Variants in EVX2 observed in about 807,000 individuals in gnomAD.
The protein encoded by EVX2 is even-skipped homeobox 2, also known as homeobox even-skipped homolog protein 2.
A neutral mutation model predicts 19.2 loss-of-function variants in EVX2; 10 were observed. The ratio of observed to expected loss-of-function variants is 0.52; its 90% confidence interval spans 0.32 to 0.89. EVX2 has a LOEUF of 0.89. EVX2 is among the 40% of genes least tolerant of loss of function. The pLI is 0.03. For synonymous variants in EVX2, 354 were observed against 328.4 expected (o/e 1.08, Z -0.84); for missense variants, 710 against 694.9 (o/e 1.02, Z -0.24).
In EVX2 at chr2:176,078,275, G is replaced by C. The variant is rs1247216255; in HGVS notation, c.*1832C>G. 1 of 151,996 alleles carries C rather than the reference G, an allele frequency of 6.6e-6. No individual in the cohort carries two copies. Among genetic ancestry groups the C allele is most frequent in the Non-Finnish European group, 1.5e-5 (1 of 68,012 alleles). The allele number at this position is 151,996 out of a possible 1,614,324, so 9.4% of individuals were successfully genotyped here. On this transcript the variant is annotated 3_prime_UTR_variant, in exon 3 of 3. Transcript: ENST00000308618. ...CTCTTACATATGTATTTAAGAGCAC[G>C]GATATATATATGCATATACATACAT...
Position 176,080,058 on chromosome 2 carries a change from C to G in EVX2, c.*49G>C, listed in dbSNP as rs770176481. ...GCTCAGGGGGCGCACAGGGGACTCCCGGGCACACTCAGAGAGGCGGGCGCG... is the reference window on the plus strand; with the variant it reads ...GCTCAGGGGGCGCACAGGGGACTCCGGGGCACACTCAGAGAGGCGGGCGCG... On this transcript the variant is annotated 3_prime_UTR_variant, in exon 3 of 3. Transcript: ENST00000308618. This position sits in a 1 kb window ranked among gnomAD's most constrained non-coding sequence, Gnocchi z 7.0. 3.3e-6 allele frequency: 5 copies of G among 1,497,622 alleles called. 1 individual carries two copies. The highest frequency in any genetic ancestry group is 2.6e-5 in the South Asian group (2 of 77,740). The allele number at this position is 1,497,622 out of a possible 1,614,324, so 92.8% of individuals were successfully genotyped here.
At position 176,078,503 on chromosome 2, in the gene EVX2, G is replaced by T. The variant is rs1218946815; in HGVS notation, c.*1604C>A. The T allele has an allele frequency of 6.6e-6, 1 of 152,208 alleles. No individual in the cohort carries two copies. Among genetic ancestry groups the T allele is most frequent in the Admixed American group, 6.5e-5 (1 of 15,282 alleles). 9.4% of individuals were successfully genotyped at this position (152,208 alleles called of 1,614,324 possible). A position where few individuals can be genotyped will look rare whatever the true frequency, so the allele number is the denominator to read the frequency against. On this transcript the variant is annotated 3_prime_UTR_variant, in exon 3 of 3. Coordinates refer to ENST00000308618, the MANE Select transcript of EVX2 (RefSeq NM_001080458.2). ...TGGAAATATCTGGGCTTGATTTAATGAGGCTGTTCACACTGGTGGAATATC... is the reference window on the plus strand; with the variant it reads ...TGGAAATATCTGGGCTTGATTTAATTAGGCTGTTCACACTGGTGGAATATC...
Position 176,082,479 on chromosome 2 carries a change from G to GTGGC in EVX2, c.428-34_428-31dup. ...CAAACAAACGACCAACAGCGCATGA[G>GTGGC]TGGCTGTAGGACCAACAGCCCGGCG... On this transcript the variant is annotated intron_variant, in intron 1 of 2. Transcript: ENST00000308618. The surrounding 1 kb of genome is among the most constrained non-coding windows in gnomAD (Gnocchi z 5.2). The GTGGC allele has an allele frequency of 6.6e-7, 1 of 1,518,204 alleles. No individual in the cohort carries two copies. Among genetic ancestry groups the GTGGC allele is most frequent in the Non-Finnish European group, 8.8e-7 (1 of 1,135,116 alleles). 94.0% of individuals were successfully genotyped at this position (1,518,204 alleles called of 1,614,324 possible).
rs1173847981 is a variant in EVX2 at position 176,081,769 on chromosome 2, T to C, written c.699+409A>G. ...AAGATACAGTATCCTTTTCTCCGTG[T>C]AACGATTTATGCGGAAAATAAATCT... On this transcript the variant is annotated intron_variant, in intron 2 of 2. Coordinates refer to ENST00000308618, the MANE Select transcript of EVX2 (RefSeq NM_001080458.2). This position sits in a 1 kb window ranked among gnomAD's most constrained non-coding sequence, Gnocchi z 5.9. 6.6e-6 allele frequency among the ~76,000 whole-genome samples: 1 copy of C among 152,218 alleles called. No individual in the cohort carries two copies. Among genetic ancestry groups the C allele is most frequent in the Non-Finnish European group, 1.5e-5 (1 of 68,038 alleles).
At position 176,083,245 on chromosome 2, in the gene EVX2, C is replaced by A; in HGVS notation, c.427+105G>T. 8.3e-7 allele frequency: 1 copy of A among 1,211,306 alleles called. No individual in the cohort carries two copies. The highest frequency in any genetic ancestry group is 1.1e-6 in the Non-Finnish European group (1 of 870,544). The allele number at this position is 1,211,306 out of a possible 1,614,324, so 75.0% of individuals were successfully genotyped here. ...CCCGTGCTAGCTCGGTGTAGCTTGCCTGTGGAGGGTCTGAGAGGGGAAAAG... is the reference window on the plus strand; with the variant it reads ...CCCGTGCTAGCTCGGTGTAGCTTGCATGTGGAGGGTCTGAGAGGGGAAAAG... On this transcript the variant is annotated intron_variant, in intron 1 of 2. Transcript: ENST00000308618. The surrounding 1 kb of genome is among the most constrained non-coding windows in gnomAD (Gnocchi z 4.4).
chr2:176,080,891 G>C lies in EVX2; in HGVS notation c.700-53C>G. 6.4e-7 allele frequency: 1 copy of C among 1,562,882 alleles called. No homozygotes were observed. The highest frequency in any genetic ancestry group is 8.6e-7 in the Non-Finnish European group (1 of 1,157,112). On this transcript the variant is annotated intron_variant, in intron 2 of 2. Transcript: ENST00000308618. This position sits in a 1 kb window ranked among gnomAD's most constrained non-coding sequence, Gnocchi z 7.0. ...GGTTAGGGAGCGCCCCGTGTTCCCAGCTCCTGTCCCAGGACCTCTGCCCCT... is the reference window on the plus strand; with the variant it reads ...GGTTAGGGAGCGCCCCGTGTTCCCACCTCCTGTCCCAGGACCTCTGCCCCT...
rs1355876615 is a variant in EVX2 at position 176,080,418 on chromosome 2, C to T, written c.1120G>A (p.Ala374Thr). The T allele has an allele frequency of 8.3e-6, 9 of 1,079,364 alleles. No homozygotes were observed. The highest frequency in any genetic ancestry group is 1.0e-5 in the Non-Finnish European group (9 of 892,252). The allele number at this position is 1,079,364 out of a possible 1,614,324, so 66.9% of individuals were successfully genotyped here. The change falls in exon 3 of 3, where the codon GCG becomes ACG. Residue 374 changes from alanine (A) to threonine (T), a missense_variant. Ala to Thr is a moderately conservative substitution (Grantham distance 58). Transcript: ENST00000308618. This position sits in a 1 kb window ranked among gnomAD's most constrained non-coding sequence, Gnocchi z 7.0. The stretch of plus-strand genomic sequence containing the variant: ...CCGCTGGGGGGCGCGCCGGCCGCCG[C>T]CGCCGAGGAGGCCGCAGCCGCTGCG... The part of the protein sequence containing the change: ...AAAAAAASSA[A>T]AAGAPPSGGS...
At position 176,080,698 on chromosome 2, in the gene EVX2, C is replaced by G; in HGVS notation, c.840G>C (p.Ser280=). The G allele has an allele frequency of 6.2e-7, 1 of 1,603,978 alleles. No homozygotes were observed. Among genetic ancestry groups the G allele is most frequent in the Non-Finnish European group, 8.5e-7 (1 of 1,179,044 alleles). Residue 280 remains serine (S), a synonymous_variant, in exon 3 of 3, where the codon TCG becomes TCC. Coordinates refer to ENST00000308618, the MANE Select transcript of EVX2 (RefSeq NM_001080458.2). The surrounding 1 kb of genome is among the most constrained non-coding windows in gnomAD (Gnocchi z 7.0). ...GCGGGTAGTAGTGCAGCGGCACGTG[C>G]GAGTGGAAGGGGTAGGGCAGGCTTC... is the stretch of plus-strand genomic sequence containing the variant. ...ATGSLPYPFH[S]HVPLHYYPHV... is the part of the protein sequence containing the mutation.
rs376810083 is a variant in EVX2, at chr2:176,080,692, C to T, written c.846G>A (p.Val282=). ...CCACGTGCGGGTAGTAGTGCAGCGG[C>T]ACGTGCGAGTGGAAGGGGTAGGGCA... ...GSLPYPFHSH[V]PLHYYPHVGV... The change falls in exon 3 of 3, where the codon GTG becomes GTA. Residue 282 remains valine (V), a synonymous_variant. Transcript: ENST00000308618. The surrounding 1 kb of genome is among the most constrained non-coding windows in gnomAD (Gnocchi z 7.0). 1.9e-6 allele frequency: 3 copies of T among 1,602,474 alleles called. No individual in the cohort carries two copies. In the African/African-American group the frequency reaches 4.0e-5, roughly 21 times the overall value.
At position 176,083,843 on chromosome 2, in the gene EVX2, C is replaced by G. The variant is rs921027204; in HGVS notation, c.-67G>C. On this transcript the variant is annotated 5_prime_UTR_variant, in exon 1 of 3. Transcript: ENST00000308618. This position sits in a 1 kb window ranked among gnomAD's most constrained non-coding sequence, Gnocchi z 4.4. ...TCCTAATGATAGGCTGCGCCTAGGG[C>G]TAATTCTCATTCAGCCCCAGCGAAC... The G allele has an allele frequency of 2.2e-6, 3 of 1,369,636 alleles. No individual in the cohort carries two copies. The highest frequency in any genetic ancestry group is 2.9e-5 in the African/African-American group (2 of 68,986). The allele number at this position is 1,369,636 out of a possible 1,614,324, so 84.8% of individuals were successfully genotyped here.
Position 176,080,131 on chromosome 2 carries a change from C to T in EVX2, c.1407G>A (p.Arg469=). The change falls in exon 3 of 3, where the codon AGG becomes AGA. Residue 469 remains arginine (R), a synonymous_variant. Transcript: ENST00000308618. This position sits in a 1 kb window ranked among gnomAD's most constrained non-coding sequence, Gnocchi z 7.0. ...GTTATCTGGTGAGCGGAGCCTCGTC[C>T]CTCTGGTCCGGCGGGCTCACGGCCG... ...SKTAVSPPDQ[R]DEAPLTR 5 of 1,549,626 alleles carry T rather than the reference C, an allele frequency of 3.2e-6. No individual in the cohort carries two copies. The highest frequency in any genetic ancestry group is 4.3e-6 in the Non-Finnish European group (5 of 1,152,238).
chr2:176,080,179 G>A lies in EVX2; in HGVS notation c.1359C>T (p.Tyr453=). ...CCGTCTTACTAAGCACCGCGGCCGA[G>A]TAGGGCAGGAAGCCGCTCTCGGAAC... The part of the protein sequence containing the change: ...APRSESGFLP[Y]SAAVLSKTAV... The change falls in exon 3 of 3, where the codon TAC becomes TAT. Residue 453 remains tyrosine (Y), a synonymous_variant. Coordinates refer to ENST00000308618, the MANE Select transcript of EVX2 (RefSeq NM_001080458.2). This position sits in a 1 kb window ranked among gnomAD's most constrained non-coding sequence, Gnocchi z 7.0. The A allele has an allele frequency of 6.6e-7, 1 of 1,518,428 alleles. No individual in the cohort carries two copies. Among genetic ancestry groups the A allele is most frequent in the Non-Finnish European group, 8.8e-7 (1 of 1,137,064 alleles). 94.1% of individuals were successfully genotyped at this position (1,518,428 alleles called of 1,614,324 possible).
chr2:176,080,915 C>G lies in EVX2; in HGVS notation c.700-77G>C. The G allele has an allele frequency of 6.7e-7, 1 of 1,498,866 alleles. No homozygotes were observed. Among genetic ancestry groups the G allele is most frequent in the South Asian group, 1.3e-5 (1 of 76,958 alleles). 92.8% of individuals were successfully genotyped at this position (1,498,866 alleles called of 1,614,324 possible). ...AGCTCCTGTCCCAGGACCTCTGCCCCTTCCGGACCTCTGAATGGCTTGGTC... is the reference window on the plus strand; with the variant it reads ...AGCTCCTGTCCCAGGACCTCTGCCCGTTCCGGACCTCTGAATGGCTTGGTC... On this transcript the variant is annotated intron_variant, in intron 2 of 2. Transcript: ENST00000308618. The surrounding 1 kb of genome is among the most constrained non-coding windows in gnomAD (Gnocchi z 7.0).
At position 176,080,458 on chromosome 2, in the gene EVX2, C is replaced by T. The variant is rs556648763; in HGVS notation, c.1080G>A (p.Ala360=). ...CAGCCGCTGCGGCTGCCGCGGCTGC[C>T]GCGGCAGAGGCCGCGCTGTTGAGCC... ...AAGLNSAASA[A]AAAAAAAAAA... is the part of the protein sequence containing the mutation. Residue 360 remains alanine (A), a synonymous_variant, in exon 3 of 3, where the codon GCG becomes GCA. Coordinates refer to ENST00000308618, the MANE Select transcript of EVX2 (RefSeq NM_001080458.2). This position sits in a 1 kb window ranked among gnomAD's most constrained non-coding sequence, Gnocchi z 7.0. 1.7e-6 allele frequency: 2 copies of T among 1,204,604 alleles called. No individual in the cohort carries two copies. Among genetic ancestry groups the T allele is most frequent in the African/African-American group, 1.6e-5 (1 of 61,906 alleles). The allele number at this position is 1,204,604 out of a possible 1,614,324, so 74.6% of individuals were successfully genotyped here. A position where few individuals can be genotyped will look rare whatever the true frequency, so the allele number is the denominator to read the frequency against.
chr2:176,082,137 C>A lies in EVX2; in HGVS notation c.699+41G>T, dbSNP rs1329796559. 1 of 1,504,940 alleles carries A rather than the reference C, an allele frequency of 6.6e-7. No homozygotes were observed. The highest frequency in any genetic ancestry group is 8.9e-7 in the Non-Finnish European group (1 of 1,128,944). The allele number at this position is 1,504,940 out of a possible 1,614,324, so 93.2% of individuals were successfully genotyped here. A position where few individuals can be genotyped will look rare whatever the true frequency, so the allele number is the denominator to read the frequency against. On this transcript the variant is annotated intron_variant, in intron 2 of 2. Transcript: ENST00000308618. The surrounding 1 kb of genome is among the most constrained non-coding windows in gnomAD (Gnocchi z 5.2). ...GAAAAAGAAACAATCAACCCAGATG[C>A]CCCCGGGGAGGCCAGAGCAGGCATG...
In EVX2 at chr2:176,082,479, G is replaced by A. The variant is rs762515510; in HGVS notation, c.428-30C>T. On this transcript the variant is annotated intron_variant, in intron 1 of 2. Transcript: ENST00000308618. This position sits in a 1 kb window ranked among gnomAD's most constrained non-coding sequence, Gnocchi z 5.2. ...CAAACAAACGACCAACAGCGCATGAGTGGCTGTAGGACCAACAGCCCGGCG... is the reference window on the plus strand; with the variant it reads ...CAAACAAACGACCAACAGCGCATGAATGGCTGTAGGACCAACAGCCCGGCG... 18 of 1,518,086 alleles carry A rather than the reference G, an allele frequency of 1.2e-5. No individual in the cohort carries two copies. Among genetic ancestry groups the A allele is most frequent in the Admixed American group, 2.1e-5 (1 of 48,070 alleles). The allele number at this position is 1,518,086 out of a possible 1,614,324, so 94.0% of individuals were successfully genotyped here. A position where few individuals can be genotyped will look rare whatever the true frequency, so the allele number is the denominator to read the frequency against.
Position 176,077,476 on chromosome 2 carries a change from T to G in EVX2, c.*2631A>C, listed in dbSNP as rs1240578290. 3 of 152,224 alleles carry G rather than the reference T, an allele frequency of 2.0e-5. No individual in the cohort carries two copies. The East Asian group carries it at 5.8e-4, about 29-fold the overall frequency. 9.4% of individuals were successfully genotyped at this position (152,224 alleles called of 1,614,324 possible). A position where few individuals can be genotyped will look rare whatever the true frequency, so the allele number is the denominator to read the frequency against. On this transcript the variant is annotated 3_prime_UTR_variant, in exon 3 of 3. Transcript: ENST00000308618. The stretch of plus-strand genomic sequence containing the variant: ...TCTTAAACAAATAAAACTGCCTTGA[T>G]TTAAATAACATTTATTTTACATGAC...
Position 176,083,194 on chromosome 2 carries a change from G to A in EVX2, c.427+156C>T, listed in dbSNP as rs1233282840. Reference sequence around the variant, plus strand: ...CTCAAGGAGCAGAACTGGAAGGCACGGTCCCAGACATGCGTCCCGCCCCCG... The same window carrying A: ...CTCAAGGAGCAGAACTGGAAGGCACAGTCCCAGACATGCGTCCCGCCCCCG... On this transcript the variant is annotated intron_variant, in intron 1 of 2. Transcript: ENST00000308618. This position sits in a 1 kb window ranked among gnomAD's most constrained non-coding sequence, Gnocchi z 4.4. 6.6e-6 allele frequency among the ~76,000 whole-genome samples: 1 copy of A among 152,212 alleles called. No homozygotes were observed. The highest frequency in any genetic ancestry group is 1.5e-5 in the Non-Finnish European group (1 of 68,028).
rs1379226242 is a variant in EVX2 at position 176,083,491 on chromosome 2, C to A, written c.286G>T (p.Ala96Ser). 6.2e-7 allele frequency: 1 copy of A among 1,614,176 alleles called. No homozygotes were observed. ...TGGCCCGGCTTCTTGCGGCTCTCGG[C>A]GGCGGAGGAGATTTCGGAGGAGACG... ...STVSSEISSA[A>S]ESRKKPGHYS... Residue 96 changes from alanine (A) to serine (S), a missense_variant, in exon 1 of 3, where the codon GCC (alanine) becomes TCC (serine). By Grantham distance (99) the Ala-to-Ser change is moderately conservative (BLOSUM62 1). Transcript: ENST00000308618. This position sits in a 1 kb window ranked among gnomAD's most constrained non-coding sequence, Gnocchi z 4.4.
Sources: gnomAD v4.1 joint callset for allele counts (sites outside exome capture counted in the v4.1 genomes callset) on GRCh38, gnomAD v4.1.1 for gene constraint, Gnocchi (gnomAD v3.1) non-coding constraint, MANE v1.5 for transcripts, NCBI Gene and HGNC (gene_info 2026-07-23, HGNC 2026-07-21) for gene names.